The following NBN variants were observed in gnomAD, a reference collection of about 807,000 sequenced individuals.
NBN encodes Nijmegen breakage syndrome 1 (nibrin).
A neutral mutation model predicts 90.8 loss-of-function variants in NBN; 88 were observed. That is an observed-to-expected ratio of 0.97 (90% confidence interval 0.82 to 1.16). The LOEUF is 1.16. Among genes scored for constraint, NBN ranks in the 50% most tolerant of loss-of-function variants. NBN has a pLI of 0.00. For synonymous variants in NBN, 328 were observed against 295.1 expected, an observed-to-expected ratio of 1.11 and a Z score of -1.14; for missense variants, 894 against 869.6, an observed-to-expected ratio of 1.03 and a Z score of -0.35.
intron 5 of NBN, 59 bp from the exon 6 acceptor site, chr8:89,971,349 T>G: frequency 2.6e-6 from 4 of 1,534,758 alleles, no homozygotes; most frequent in Non-Finnish European, 3.5e-6. Flanking sequence ...TATTAAATTG[T>G]AAACGGAGTG....
chr8:89,970,580 T>C (rs1811468637), intron 6 of NBN, 23 bp from the exon 7 acceptor site: 1 of 1,605,368 alleles, frequency 6.2e-7, no homozygotes, highest in African/African-American at 1.3e-5. Context: ...GGAAACATTT[T>C]TTAAAGTAAA....
At chr8:89,969,630 A>G (rs1171387868) in intron 7 of NBN, among the ~76,000 whole-genome samples, 1 of 152,202 alleles carries the variant, frequency 6.6e-6, no homozygotes, top group Admixed American at 6.5e-5. Context: ...TTAATTTTCA[A>G]GTATACTACA....
intron 5 of NBN, among the ~76,000 whole-genome samples, chr8:89,976,665 C>T (rs1048727130): frequency 2.6e-5 from 4 of 152,154 alleles, no homozygotes; most frequent in African/African-American, 9.7e-5. Context: ...GGTGGCCCAG[C>T]CCCCTAGCTC....
At chr8:89,941,372 G>A (rs990116496) in intron 14 of NBN, among the ~76,000 whole-genome samples, 2 of 152,152 alleles carry the variant, frequency 1.3e-5, no homozygotes, top group African/African-American at 4.8e-5. Context: ...AGGGAGGCTA[G>A]GTGGGAGGAA....
intron 11 of NBN, among the ~76,000 whole-genome samples, chr8:89,948,515 T>C (rs544569063): frequency 6.6e-6 from 1 of 152,368 alleles, no homozygotes; most frequent in East Asian, 1.9e-4. Flanking sequence ...TTAACATGTC[T>C]GGATCATGTC....
chr8:89,960,967 A>G (rs568659862), intron 8 of NBN, among the ~76,000 whole-genome samples: 1 of 152,152 alleles, frequency 6.6e-6, no homozygotes, highest in Non-Finnish European at 1.5e-5. Context: ...ACCCACCTAA[A>G]CCTACCTACG....
chr8:89,950,787 T>C (rs1810411008), intron 11 of NBN, among the ~76,000 whole-genome samples: 1 of 152,134 alleles, frequency 6.6e-6, no homozygotes, highest in Non-Finnish European at 1.5e-5. Flanking sequence ...ATGGCTCCCA[T>C]GTCAAGGGTG....
rs1554560363 is a variant in NBN, at chr8:89,958,750, T to C, written c.1099A>G (p.Thr367Ala). The change falls in exon 9 of 16, where the codon ACA becomes GCA. Residue 367 changes from threonine (T) to alanine (A), a missense_variant. Transcript: ENST00000265433. ...CATGTATCTGCTTGCTCTGATTCTG[T>C]GTCAGCTACGTATGTTGTAGTGTTC... The part of the protein sequence containing the change: ...PVNTTTYVAD[T>A]ESEQADTWDL... The C allele has an allele frequency of 6.2e-7, 1 of 1,614,134 alleles. No individual in the cohort carries two copies. Among genetic ancestry groups the C allele is most frequent in the South Asian group, 1.1e-5 (1 of 91,078 alleles).
At chr8:89,982,235 A>C (rs545064221) in intron 2 of NBN, among the ~76,000 whole-genome samples, 5 of 152,262 alleles carry the variant, frequency 3.3e-5, no homozygotes, top group African/African-American at 1.2e-4. Flanking sequence ...TAATAAAACA[A>C]ATCAATTCCC....
rs768822147 is a variant in NBN, at chr8:89,970,454, C to A, written c.806G>T (p.Cys269Phe). 6.2e-7 allele frequency: 1 copy of A among 1,614,048 alleles called. No individual in the cohort carries two copies. Among genetic ancestry groups the A allele is most frequent in the Middle Eastern group, 1.6e-4 (1 of 6,062 alleles). The change falls in exon 7 of 16, where the codon TGT becomes TTT. Residue 269 changes from cysteine to phenylalanine, a missense_variant. By Grantham distance (205) the Cys-to-Phe change is radical. Coordinates refer to ENST00000265433, the MANE Select transcript of NBN (RefSeq NM_002485.5). Reference sequence around the variant, plus strand: ...GTTTGTTATTCCTGTATCAACAACACACGTTCCCGGAGCCAAAAAGAAATT... The same window carrying A: ...GTTTGTTATTCCTGTATCAACAACAAACGTTCCCGGAGCCAAAAAGAAATT... ...EHNFFLAPGT[C>F]VVDTGITNSQ...
intron 14 of NBN, 121 bp from the exon 15 acceptor site, chr8:89,937,196 G>A: frequency 1.2e-6 from 1 of 832,328 alleles, no homozygotes; most frequent in Non-Finnish European, 2.0e-6. Context: ...CACCACATCT[G>A]AGTTCTTGCC....
At chr8:89,979,236 C>G (rs1162538076) in intron 4 of NBN, among the ~76,000 whole-genome samples, 1 of 152,218 alleles carries the variant, frequency 6.6e-6, no homozygotes, top group African/African-American at 2.4e-5. Context: ...ACCTCGGCAT[C>G]CCAAAGTGCT....
chr8:89,953,891 T>C (rs778265575), intron 10 of NBN, among the ~76,000 whole-genome samples, 200 bp from the exon 11 acceptor site: 1 of 152,166 alleles, frequency 6.6e-6, no homozygotes, highest in Admixed American at 6.5e-5. Context: ...TTGATAGAAC[T>C]GACGGACCCT....
chr8:89,947,880 T>C lies in NBN; in HGVS notation c.1858A>G (p.Ile620Val), dbSNP rs1810270999. 4 of 1,564,380 alleles carry C rather than the reference T, an allele frequency of 2.6e-6. No individual in the cohort carries two copies. Among genetic ancestry groups the C allele is most frequent in the South Asian group, 2.3e-5 (2 of 87,938 alleles). The change falls in exon 12 of 16, where the codon ATT becomes GTT. Residue 620 changes from isoleucine (I) to valine (V), a missense_variant. By Grantham distance (29) the Ile-to-Val change is conservative. Transcript: ENST00000265433. ...TCCTTGAGTTCACGTTTCTTCCCAA[T>C]TTCATTTTCTTGCTAAAGAAATAAA... ...ESSKISQENEIGKKRELKEDS... is the reference protein window; with the variant it reads ...ESSKISQENEVGKKRELKEDS...
chr8:89,980,264 C>A (rs1232858591), intron 4 of NBN, among the ~76,000 whole-genome samples: 1 of 152,064 alleles, frequency 6.6e-6, no homozygotes. Context: ...GTATTTGTGG[C>A]TTTTTACTAT....
At chr8:89,980,922 C>G (rs769417) in intron 3 of NBN, 29 bp from the exon 4 acceptor site, 1 of 1,604,510 alleles carries the variant, frequency 6.2e-7, no homozygotes, top group Admixed American at 1.7e-5. Context: ...TAAATAAAGT[C>G]ATAGTATCAG....
intron 14 of NBN, among the ~76,000 whole-genome samples, chr8:89,941,073 A>G (rs1809921416): frequency 6.6e-6 from 1 of 152,212 alleles, no homozygotes; most frequent in African/African-American, 2.4e-5. Flanking sequence ...TGCAGAAAAA[A>G]TAGATGTGGA....
rs876658681 is a variant in NBN, at chr8:89,953,326, T to C, written c.1763A>G (p.Asn588Ser). ...ATCCATCCTTGGCCTTTTTCTAACA[T>C]TGACATCTTCCTCCTGTTTTTGAAC... ...VKVQKQEEDVNVRKRPRMDIE... is the reference protein window; with the variant it reads ...VKVQKQEEDVSVRKRPRMDIE... Residue 588 changes from asparagine (N) to serine (S), a missense_variant, in exon 11 of 16, where the codon AAT becomes AGT. Coordinates refer to ENST00000265433, the MANE Select transcript of NBN (RefSeq NM_002485.5). 11 of 1,613,416 alleles carry C rather than the reference T, an allele frequency of 6.8e-6. No individual in the cohort carries two copies. The highest frequency in any genetic ancestry group is 3.3e-5 in the South Asian group (3 of 91,078).
chr8:89,935,724 C>G, intron 15 of NBN, 112 bp from the exon 16 acceptor site: 2 of 1,313,136 alleles, frequency 1.5e-6, no homozygotes, highest in South Asian at 1.2e-5. Context: ...ATGGGAATGA[C>G]AATTTTGTCC....
Sources: gnomAD v4.1 joint callset for allele counts (sites outside exome capture counted in the v4.1 genomes callset) on GRCh38, gnomAD v4.1.1 for gene constraint, MANE v1.5 for transcripts, NCBI Gene and HGNC (gene_info 2026-07-23, HGNC 2026-07-21) for gene names.